The following SYNE2 variants were observed in gnomAD, a reference collection of about 807,000 sequenced individuals.
The protein encoded by SYNE2 is nesprin-2.
A neutral mutation model predicts 856.3 loss-of-function variants in SYNE2; 431 were observed. The observed-to-expected ratio is 0.50, with a 90% CI of 0.47 to 0.55. The LOEUF (loss-of-function observed/expected upper bound fraction) is 0.55. Ranked by LOEUF, SYNE2 falls within the 20% of genes least tolerant of loss-of-function variation. SYNE2 has a pLI of 0.00. For synonymous variants in SYNE2, 2,923 were observed against 2,872.3 expected, an observed-to-expected ratio of 1.02 and a Z score of -0.56; for missense variants, 8,129 against 8,023.2, an observed-to-expected ratio of 1.01 and a Z score of -0.50.
chr14:63,889,261 T>C (rs1238608573), intron 1 of SYNE2, among the ~76,000 whole-genome samples: 1 of 151,780 alleles, frequency 6.6e-6, no homozygotes, highest in African/African-American at 2.4e-5. Flanking sequence ...TTGTAGAAAA[T>C]AAATTGAATG....
chr14:64,193,178 A>C (rs1480972808), intron 99 of SYNE2, among the ~76,000 whole-genome samples: 2 of 152,354 alleles, frequency 1.3e-5, no homozygotes, highest in Non-Finnish European at 2.9e-5. Flanking sequence ...CACAGGATCC[A>C]GGACACCATG....
chr14:64,196,205 G>A (rs2098539975), intron 99 of SYNE2, among the ~76,000 whole-genome samples: 1 of 152,172 alleles, frequency 6.6e-6, no homozygotes, highest in African/African-American at 2.4e-5. Flanking sequence ...GTTTCAAGGT[G>A]GGGATATAAT....
chr14:64,022,899 C>G lies in SYNE2; in HGVS notation c.5637+36C>G, dbSNP rs1278918223. 3 of 1,152,794 alleles carry G rather than the reference C, an allele frequency of 2.6e-6. No individual in the cohort carries two copies. In the African/African-American group the frequency reaches 4.6e-5, roughly 18 times the overall value. The allele number at this position is 1,152,794 out of a possible 1,614,324, so 71.4% of individuals were successfully genotyped here. A position where few individuals can be genotyped will look rare whatever the true frequency, so the allele number is the denominator to read the frequency against. ...TATGTGTATTTTTAATAAAAATTTT[C>G]AATACTAAAATACTGGAGGCATAGA... On this transcript the variant is annotated intron_variant, in intron 38 of 115. Coordinates refer to ENST00000555002, the MANE Select transcript of SYNE2 (RefSeq NM_182914.3).
intron 1 of SYNE2, among the ~76,000 whole-genome samples, chr14:63,890,053 C>CT (rs71123813): frequency 4.2e-4 from 40 of 95,052 alleles, no homozygotes; most frequent in Admixed American, 1.2e-3. Flanking sequence ...TTCTTTCTTT[C>CT]TTTTTTTTTT....
chr14:63,830,064 CATAGA>C (rs1889611709), intron 1 of SYNE2, among the ~76,000 whole-genome samples: 1 of 152,124 alleles, frequency 6.6e-6, no homozygotes, highest in South Asian at 2.1e-4. Flanking sequence ...AGTGCTGATA[CATAGA>C]ACAAGATGGG....
intron 38 of SYNE2, 115 bp from the exon 39 acceptor site, chr14:64,024,142 A>G (rs2096959411): frequency 1.2e-6 from 1 of 821,662 alleles, no homozygotes; most frequent in South Asian, 1.4e-5. Context: ...TCTTTCGTAT[A>G]GGATCTTAAG....
intron 66 of SYNE2, among the ~76,000 whole-genome samples, chr14:64,118,053 T>G (rs1192142555): frequency 6.6e-6 from 1 of 152,244 alleles, no homozygotes; most frequent in Non-Finnish European, 1.5e-5. Flanking sequence ...CTGTTACAGC[T>G]TGCTTGGATG....
chr14:63,961,768 A>C (rs554880728), intron 9 of SYNE2, 143 bp downstream of exon 9: 234 of 701,368 alleles, frequency 3.3e-4, no homozygotes, highest in Admixed American at 1.3e-3. Flanking sequence ...TACTTCAATC[A>C]TGATGTAAAA....
chr14:64,203,812 C>T (rs1223197789), intron 100 of SYNE2, among the ~76,000 whole-genome samples: 2 of 152,232 alleles, frequency 1.3e-5, no homozygotes, highest in Admixed American at 1.3e-4. Flanking sequence ...CCACCACACA[C>T]CACATACCAC....
rs1482811797 is a variant in SYNE2 at position 64,165,940 on chromosome 14, G to GT, written c.16605+536dup. On this transcript the variant is annotated intron_variant, in intron 90 of 115. Coordinates refer to ENST00000555002, the MANE Select transcript of SYNE2 (RefSeq NM_182914.3). ...TACGTCAGAGTAATTTGTAGTAGAT[G>GT]TTTTTTCATAATTACCGTCAGTGAA... Among the ~76,000 whole-genome samples the GT allele has an allele frequency of 2.0e-5, 3 of 152,252 alleles. No homozygotes were observed. The South Asian group carries it at 6.2e-4, about 32-fold the overall frequency.
Position 64,002,950 on chromosome 14 carries a change from T to G in SYNE2, c.4017T>G (p.Ala1339=). ...LASLRTAKLS[A]EPVTDLSASD... ...CTCTCAGAACAGCTAAACTCTCTGC[T>G]GAGCCCGTTACAGACCTTTCAGCCT... Residue 1339 remains alanine, a synonymous_variant, in exon 30 of 116, where the codon GCT becomes GCG. Coordinates refer to ENST00000555002, the MANE Select transcript of SYNE2 (RefSeq NM_182914.3). 6.2e-7 allele frequency: 1 copy of G among 1,614,252 alleles called. No individual in the cohort carries two copies. The highest frequency in any genetic ancestry group is 8.5e-7 in the Non-Finnish European group (1 of 1,180,046).
chr14:64,132,085 C>T (rs1457900265), intron 76 of SYNE2, among the ~76,000 whole-genome samples, 180 bp from the exon 77 acceptor site: 2 of 152,178 alleles, frequency 1.3e-5, no homozygotes, highest in Non-Finnish European at 2.9e-5. Flanking sequence ...GGGCATTCAC[C>T]ACCATGCCTA....
intron 31 of SYNE2, 38 bp downstream of exon 31, chr14:64,007,260 TTGTC>T: frequency 6.3e-7 from 1 of 1,595,122 alleles, no homozygotes; most frequent in Middle Eastern, 1.7e-4. Context: ...ATCTGAAAAA[TTGTC>T]TGTAGCACAA....
chr14:64,222,593 G>A (rs2098699643), intron 112 of SYNE2, among the ~76,000 whole-genome samples: 1 of 152,154 alleles, frequency 6.6e-6, no homozygotes, highest in African/African-American at 2.4e-5. Flanking sequence ...GGGCATGGTG[G>A]CAGGCGCCTG....
intron 1 of SYNE2, among the ~76,000 whole-genome samples, chr14:63,766,282 G>T (rs947639886): frequency 1.3e-5 from 2 of 152,016 alleles, no homozygotes; most frequent in African/African-American, 4.8e-5. Context: ...GTTTCACCAT[G>T]TTGGCCAGGC....
chr14:63,981,246 C>T, intron 16 of SYNE2, 73 bp downstream of exon 16: 1 of 1,315,956 alleles, frequency 7.6e-7, no homozygotes, highest in Non-Finnish European at 1.1e-6. Flanking sequence ...CATTTTCAAT[C>T]CAAAGATGAG....
chr14:63,913,010 T>G (rs1247421982), intron 2 of SYNE2, among the ~76,000 whole-genome samples: 1 of 152,160 alleles, frequency 6.6e-6, no homozygotes, highest in Admixed American at 6.5e-5. Flanking sequence ...CACGACTCAC[T>G]GCAGCCTCAA....
intron 1 of SYNE2, among the ~76,000 whole-genome samples, chr14:63,892,370 C>A (rs1194733293): frequency 6.6e-6 from 1 of 151,842 alleles, no homozygotes. Context: ...CCATTCCCCC[C>A]AACCTTTTTT....
At chr14:63,987,429 T>C (rs2096635017) in intron 19 of SYNE2, among the ~76,000 whole-genome samples, 1 of 152,208 alleles carries the variant, frequency 6.6e-6, no homozygotes, top group Non-Finnish European at 1.5e-5. Flanking sequence ...GAGTGTGTCT[T>C]AATATCACTT....
Sources: gnomAD v4.1 joint callset for allele counts (sites outside exome capture counted in the v4.1 genomes callset) on GRCh38, gnomAD v4.1.1 for gene constraint, MANE v1.5 for transcripts, NCBI Gene and HGNC (gene_info 2026-07-23, HGNC 2026-07-21) for gene names.